Variants in SLMAP observed in about 807,000 individuals in gnomAD.
The protein encoded by SLMAP is sarcolemma associated protein.
In SLMAP, 44 loss-of-function variants were observed where a neutral mutation model predicts 128.8. The observed-to-expected ratio is 0.34, with a 90% CI of 0.27 to 0.44. SLMAP has a LOEUF of 0.44. Among genes scored for constraint, SLMAP ranks in the 20% least tolerant of loss-of-function variants. The pLI is 1.00. For synonymous variants in SLMAP, 327 were observed against 348.8 expected (o/e 0.94, Z 0.70); for missense variants, 787 against 985.3 (o/e 0.80, Z 2.69).
rs762672292 is a variant in SLMAP at position 57,890,064 on chromosome 3, C to G, written c.1324C>G (p.Leu442Val). ...CQKKLIVEGH[L>V]TKAVEETKLS... Reference sequence around the variant, plus strand: ...AGAGAAGCTGATCGTCGAAGGGCATCTAACCAAAGCGGTAGAAGAAACAAA... The same window carrying G: ...AGAGAAGCTGATCGTCGAAGGGCATGTAACCAAAGCGGTAGAAGAAACAAA... The change falls in exon 15 of 25, where the codon CTA becomes GTA. Residue 442 changes from leucine to valine, a missense_variant. By Grantham distance (32) the Leu-to-Val change is conservative. Around this residue, in one of 2 missense-constraint regions of SLMAP, gnomAD observed 715 missense variants for 843.6 expected, o/e 0.85. Transcript: ENST00000671191. The G allele has an allele frequency of 6.2e-7, 1 of 1,613,862 alleles. No individual in the cohort carries two copies. Among genetic ancestry groups the G allele is most frequent in the Admixed American group, 1.7e-5 (1 of 60,016 alleles).
chr3:57,821,376 T>C (rs1313580415), intron 2 of SLMAP, among the ~76,000 whole-genome samples: 1 of 152,190 alleles, frequency 6.6e-6, no homozygotes, highest in Non-Finnish European at 1.5e-5. Flanking sequence ...ATTGGCAAGT[T>C]TCATTCTAGT....
At chr3:57,898,099 A>G (rs1393631472) in intron 17 of SLMAP, 2 of 152,148 alleles carry the variant, frequency 1.3e-5, no homozygotes, top group African/African-American at 2.4e-5. Context: ...CTAATAGGGA[A>G]TCTCCTTGTC....
intron 19 of SLMAP, 144 bp from the exon 20 acceptor site, chr3:57,912,237 G>A (rs1207700267): frequency 3.5e-5 from 20 of 575,854 alleles, no homozygotes; most frequent in Middle Eastern, 8.9e-4. Context: ...GTATTTTGAC[G>A]CTTTCTGCAT....
chr3:57,809,024 A>G (rs1224981836), intron 2 of SLMAP, among the ~76,000 whole-genome samples: 1 of 151,932 alleles, frequency 6.6e-6, no homozygotes, highest in African/African-American at 2.4e-5. Flanking sequence ...CTTCTTTGTC[A>G]TGACTATGGA....
intron 14 of SLMAP, among the ~76,000 whole-genome samples, chr3:57,881,521 G>A (rs111707807): frequency 0.012 from 1,862 of 152,170 alleles, 16 homozygotes; most frequent in Non-Finnish European, 0.016. Context: ...GCAGTGGTGC[G>A]ATCTCGGCTC....
chr3:57,883,715 C>T (rs1432659307), intron 14 of SLMAP, among the ~76,000 whole-genome samples: 1 of 151,924 alleles, frequency 6.6e-6, no homozygotes, highest in Non-Finnish European at 1.5e-5. Context: ...GTGAAACATA[C>T]AATTGAGTAG....
At chr3:57,876,235 A>G (rs1011222572) in intron 14 of SLMAP, among the ~76,000 whole-genome samples, 2 of 152,218 alleles carry the variant, frequency 1.3e-5, no homozygotes, top group Non-Finnish European at 2.9e-5. Context: ...GTTTATGTGT[A>G]TGAATCTATA....
intron 2 of SLMAP, among the ~76,000 whole-genome samples, chr3:57,822,105 A>G (rs1477533875): frequency 6.6e-6 from 1 of 152,102 alleles, no homozygotes; most frequent in Non-Finnish European, 1.5e-5. Context: ...ATATGATTTT[A>G]TGGATGTGCA....
At chr3:57,895,458 C>T (rs1329287174) in intron 15 of SLMAP, among the ~76,000 whole-genome samples, 2 of 152,030 alleles carry the variant, frequency 1.3e-5, no homozygotes, top group African/African-American at 4.8e-5. Flanking sequence ...CCTCAGCCTC[C>T]CGAGTAGCTG....
intron 2 of SLMAP, among the ~76,000 whole-genome samples, chr3:57,762,368 CAAAA>C (rs201067236): frequency 1.1e-5 from 1 of 90,058 alleles, no homozygotes; most frequent in African/African-American, 4.3e-5. Context: ...GACTCTGTCT[CAAAA>C]AAAAAAAAAA....
Position 57,860,267 on chromosome 3 carries a change from G to A in SLMAP, c.688-432G>A, listed in dbSNP as rs76636585. Among the ~76,000 whole-genome samples the A allele has an allele frequency of 2.4e-3, 368 of 152,238 alleles. 4 individuals are homozygous for A. The highest frequency in any genetic ancestry group is 8.5e-3 in the African/African-American group (353 of 41,556). ...AGACAAGATGTTTCAGGCTCATTTT[G>A]TACTTTTCCTGCCCCAGACATGAAG... is the stretch of plus-strand genomic sequence containing the variant. On this transcript the variant is annotated intron_variant, in intron 8 of 24. Coordinates refer to ENST00000671191, the MANE Select transcript of SLMAP (RefSeq NM_001377540.1).
At position 57,845,609 on chromosome 3, in the gene SLMAP, A is replaced by G. The variant is rs558036862; in HGVS notation, c.420-1588A>G. Among the ~76,000 whole-genome samples the G allele has an allele frequency of 5.3e-5, 8 of 152,274 alleles. 1 individual carries two copies. The South Asian group carries it at 1.2e-3, about 24-fold the overall frequency. ...GGATGTGGAGTGATTAGCAGCTGGTAGAGGTCATGCGTGGTAGCCTTGTTT... is the reference window on the plus strand; with the variant it reads ...GGATGTGGAGTGATTAGCAGCTGGTGGAGGTCATGCGTGGTAGCCTTGTTT... On this transcript the variant is annotated intron_variant, in intron 4 of 24. Transcript: ENST00000671191.
intron 3 of SLMAP, among the ~76,000 whole-genome samples, chr3:57,835,673 C>A (rs973886246): frequency 1.3e-5 from 2 of 151,596 alleles, no homozygotes; most frequent in Non-Finnish European, 2.9e-5. Flanking sequence ...AATAAAAATT[C>A]TAAATAAATA....
At chr3:57,913,396 G>C (rs1327554021) in intron 21 of SLMAP, 121 bp downstream of exon 21, 17 of 529,682 alleles carry the variant, frequency 3.2e-5, no homozygotes, top group Non-Finnish European at 5.0e-5. Context: ...GCCCATCTCT[G>C]TTTGGCTATT....
At chr3:57,915,243 C>A (rs1025746984) in intron 21 of SLMAP, among the ~76,000 whole-genome samples, 1 of 152,146 alleles carries the variant, frequency 6.6e-6, no homozygotes, top group African/African-American at 2.4e-5. Flanking sequence ...CTGGCAGATT[C>A]TTAAATACTG....
chr3:57,902,438 G>GATC (rs1180860482), intron 17 of SLMAP, among the ~76,000 whole-genome samples: 3 of 152,180 alleles, frequency 2.0e-5, no homozygotes, highest in Admixed American at 2.0e-4. Flanking sequence ...AAGATAGAGT[G>GATC]ATCATTATAA....
chr3:57,906,300 CTTTTT>C (rs112949836), intron 17 of SLMAP, among the ~76,000 whole-genome samples: 4 of 71,284 alleles, frequency 5.6e-5, no homozygotes, highest in African/African-American at 1.4e-4. Context: ...AAATTTTTTT[CTTTTT>C]TTTTCTTTTT....
intron 4 of SLMAP, among the ~76,000 whole-genome samples, chr3:57,843,305 CTTTTTTTT>C: frequency 0.013 from 1,211 of 92,158 alleles, 12 homozygotes; most frequent in East Asian, 0.083. Flanking sequence ...CTTTCTTTTC[CTTTTTTTT>C]TTTTTTTTTT....
chr3:57,819,774 A>G (rs953045241), intron 2 of SLMAP, among the ~76,000 whole-genome samples: 1 of 152,016 alleles, frequency 6.6e-6, no homozygotes, highest in Non-Finnish European at 1.5e-5. Flanking sequence ...GTTTGTTTTG[A>G]GACAGGGTCT....
Sources: allele counts gnomAD v4.1 joint callset (sites outside exome capture counted in the v4.1 genomes callset), GRCh38; gene constraint gnomAD v4.1.1; regional missense constraint gnomAD v4.1.1; transcripts MANE v1.5; gene names NCBI Gene and HGNC (gene_info 2026-07-23, HGNC 2026-07-21).